Variants in HAUS8 observed in about 807,000 individuals in gnomAD.
The protein encoded by HAUS8 is HAUS augmin-like complex subunit 8.
Under a neutral mutation model 42.9 loss-of-function variants are expected in HAUS8, and 38 were observed. The ratio of observed to expected loss-of-function variants is 0.89; its 90% CI spans 0.68 to 1.16. The LOEUF (loss-of-function observed/expected upper bound fraction) is 1.16, where lower values mean the gene tolerates loss of function less well. HAUS8 is among the 50% of genes most tolerant of loss of function. The pLI is 0.00. For synonymous variants in HAUS8, 199 were observed against 205.8 expected, an observed-to-expected ratio of 0.97 and a Z score of 0.28; for missense variants, 494 against 511.6, an observed-to-expected ratio of 0.97 and a Z score of 0.33.
At chr19:17,058,408 G>C in intron 8 of HAUS8, 141 bp downstream of exon 8, 6 of 768,248 alleles carry the variant, frequency 7.8e-6, no homozygotes, top group South Asian at 4.0e-5. Context: ...ACCAGGACCA[G>C]AGCAAGTGTG....
intron 8 of HAUS8, among the ~76,000 whole-genome samples, chr19:17,056,976 G>A (rs2057330668): frequency 6.6e-6 from 1 of 151,982 alleles, no homozygotes; most frequent in Admixed American, 6.6e-5. Flanking sequence ...ACCTCCCAGG[G>A]TCAAGCAAAC....
intron 3 of HAUS8, among the ~76,000 whole-genome samples, chr19:17,064,317 C>T (rs2057376435): frequency 1.3e-5 from 2 of 152,182 alleles, no homozygotes; most frequent in Non-Finnish European, 1.5e-5. Flanking sequence ...GGCATTTGCC[C>T]TGATTTATGG....
At position 17,075,375 on chromosome 19, in the gene HAUS8, T is replaced by C; in HGVS notation, c.29+19A>G. The C allele has an allele frequency of 6.2e-7, 1 of 1,613,750 alleles. No individual in the cohort carries two copies. Among genetic ancestry groups the C allele is most frequent in the Non-Finnish European group, 8.5e-7 (1 of 1,179,744 alleles). On this transcript the variant is annotated intron_variant, in intron 1 of 10. Coordinates refer to ENST00000253669, the MANE Select transcript of HAUS8 (RefSeq NM_033417.2). ...CCTATGGCGTCTACAAATCCAGACC[T>C]GCGGAAGCCCCAACTCACCCAGCGC...
chr19:17,075,400 C>G lies in HAUS8; in HGVS notation c.23G>C (p.Gly8Ala), dbSNP rs774018820. Residue 8 changes from glycine to alanine, a missense_variant, in exon 1 of 11, where the codon GGC (glycine) becomes GCC (alanine). By Grantham distance (60) the Gly-to-Ala change is moderately conservative. Coordinates refer to ENST00000253669, the MANE Select transcript of HAUS8 (RefSeq NM_033417.2). Reference sequence around the variant, plus strand: ...TGCGGAAGCCCCAACTCACCCAGCGCCTCGCCCCGAGGAATCCGCCATTTT... The same window carrying G: ...TGCGGAAGCCCCAACTCACCCAGCGGCTCGCCCCGAGGAATCCGCCATTTT... MADSSGRGAGKPATGPTN... is the reference protein window; with the variant it reads MADSSGRAAGKPATGPTN... The G allele has an allele frequency of 6.2e-7, 1 of 1,613,852 alleles. No homozygotes were observed. Among genetic ancestry groups the G allele is most frequent in the African/African-American group, 1.3e-5 (1 of 74,950 alleles).
At chr19:17,060,922 C>A (rs1353580091) in intron 4 of HAUS8, among the ~76,000 whole-genome samples, 2 of 152,108 alleles carry the variant, frequency 1.3e-5, no homozygotes, top group Non-Finnish European at 1.5e-5. Context: ...AGGAACTAAG[C>A]ATGAGACTAT....
intron 9 of HAUS8, 78 bp downstream of exon 9, chr19:17,055,783 C>T (rs2057321797): frequency 1.4e-6 from 2 of 1,461,102 alleles, no homozygotes; most frequent in African/African-American, 1.4e-5. Flanking sequence ...GCGGTGATGA[C>T]ATCAGGCCCA....
chr19:17,074,499 A>G (rs1296927748), intron 1 of HAUS8: 1 of 152,340 alleles, frequency 6.6e-6, no homozygotes, highest in African/African-American at 2.4e-5. Context: ...GCTGCAAAAC[A>G]AAGACGCACA....
chr19:17,062,863 C>T (rs557900576), intron 3 of HAUS8, 84 bp from the exon 4 acceptor site: 39 of 971,492 alleles, frequency 4.0e-5, no homozygotes, highest in East Asian at 1.7e-4. Context: ...CACTGTGTTT[C>T]GTAACTGCTC....
intron 10 of HAUS8, among the ~76,000 whole-genome samples, chr19:17,050,791 G>A (rs1180509487): frequency 6.6e-6 from 1 of 152,250 alleles, no homozygotes; most frequent in Non-Finnish European, 1.5e-5. Context: ...AGCTACTGGG[G>A]AGGCTGAGGC....
At chr19:17,051,162 C>A (rs2057285125) in intron 10 of HAUS8, among the ~76,000 whole-genome samples, 1 of 152,024 alleles carries the variant, frequency 6.6e-6, no homozygotes, top group South Asian at 2.1e-4. Flanking sequence ...ATGAGTTATC[C>A]TGGGAGTGGG....
At chr19:17,053,244 G>A (rs2057299118) in intron 9 of HAUS8, 1 of 467,324 alleles carries the variant, frequency 2.1e-6, no homozygotes, top group African/African-American at 2.0e-5. Flanking sequence ...ATGCAAATGT[G>A]AAAAGGGCTG....
chr19:17,056,095 G>C, intron 8 of HAUS8, 93 bp from the exon 9 acceptor site: 2 of 1,216,692 alleles, frequency 1.6e-6, no homozygotes. Context: ...TTAAGATACA[G>C]CGCTGTTCTT....
chr19:17,052,803 C>A (rs755168911), intron 10 of HAUS8, 22 bp downstream of exon 10: 2 of 1,613,930 alleles, frequency 1.2e-6, no homozygotes, highest in African/African-American at 2.7e-5. Context: ...CCACCTCTTT[C>A]TTAAAGCATT....
At chr19:17,074,584 G>A (rs2057453500) in intron 1 of HAUS8, 1 of 152,424 alleles carries the variant, frequency 6.6e-6, no homozygotes, top group Non-Finnish European at 1.5e-5. Context: ...TCTGGGGACT[G>A]TGCTAGGGCT....
intron 8 of HAUS8, among the ~76,000 whole-genome samples, chr19:17,057,848 A>G (rs930108654): frequency 2.0e-5 from 3 of 152,158 alleles, no homozygotes; most frequent in African/African-American, 7.2e-5. Flanking sequence ...GGGGATGCTA[A>G]TCCAACACGA....
chr19:17,061,684 C>T (rs997915936), intron 4 of HAUS8, among the ~76,000 whole-genome samples: 8 of 152,148 alleles, frequency 5.3e-5, no homozygotes, highest in African/African-American at 1.7e-4. Context: ...GTTAAGTGGC[C>T]TCCCTGGCCT....
chr19:17,071,450 G>A (rs1275077979), intron 2 of HAUS8, among the ~76,000 whole-genome samples: 1 of 152,146 alleles, frequency 6.6e-6, no homozygotes, highest in Non-Finnish European at 1.5e-5. Context: ...GGTCTCCAAG[G>A]GCTGAGGCCA....
chr19:17,057,653 C>A (rs994455179), intron 8 of HAUS8, among the ~76,000 whole-genome samples: 7 of 152,138 alleles, frequency 4.6e-5, no homozygotes, highest in African/African-American at 1.7e-4. Flanking sequence ...AGACCTTGTA[C>A]TCAAGCCCAG....
rs1183231927 is a variant in HAUS8 at position 17,072,395 on chromosome 19, T to A, written c.91+879A>T. On this transcript the variant is annotated intron_variant, in intron 2 of 10. Coordinates refer to ENST00000253669, the MANE Select transcript of HAUS8 (RefSeq NM_033417.2). Reference sequence around the variant, plus strand: ...GTTTCGCTCGCCACCCAGGTTGGAGTACAGTGGCGCGATCTCGGCTCACAG... The same window carrying A: ...GTTTCGCTCGCCACCCAGGTTGGAGAACAGTGGCGCGATCTCGGCTCACAG... Among the ~76,000 whole-genome samples, 49 of 131,960 alleles carry A rather than the reference T, an allele frequency of 3.7e-4. 1 individual carries two copies. Among genetic ancestry groups the A allele is most frequent in the Non-Finnish European group, 4.6e-5 (3 of 65,386 alleles). 86.6% of individuals were successfully genotyped at this position (131,960 alleles called of 152,430 possible).
Sources: gnomAD v4.1 joint callset for allele counts (sites outside exome capture counted in the v4.1 genomes callset) on GRCh38, gnomAD v4.1.1 for gene constraint, MANE v1.5 for transcripts, NCBI Gene and HGNC (gene_info 2026-07-23, HGNC 2026-07-21) for gene names.